The following LAMC1 variants were observed in gnomAD, a reference collection of about 807,000 sequenced individuals.
The protein encoded by LAMC1 is laminin subunit gamma-1.
LAMC1 carries 38 observed loss-of-function variants against 173.6 expected under a neutral mutation model. The ratio of observed to expected loss-of-function variants is 0.22; its 90% CI spans 0.17 to 0.29. LAMC1 has a LOEUF of 0.29. Ranked by LOEUF, LAMC1 falls within the 10% of genes least tolerant of loss-of-function variation. The pLI, the probability that LAMC1 is intolerant of heterozygous loss-of-function variation, is 1.00. For synonymous variants in LAMC1, 746 were observed against 749.1 expected (o/e 1.00, Z 0.07); for missense variants, 1,824 against 2,051.8 (o/e 0.89, Z 2.14).
chr1:183,077,388 G>C lies in LAMC1; in HGVS notation c.419-25940G>C, dbSNP rs193219421. Among the ~76,000 whole-genome samples the C allele has an allele frequency of 6.6e-4, 100 of 152,250 alleles. 1 individual carries two copies. The highest frequency in any genetic ancestry group is 2.1e-3 in the African/African-American group (88 of 41,550). ...TGTTGCTTGTTCTCAGTGCTGTTCTGATGACTAGCTCTTTTTCCAAACAAA... is the reference window on the plus strand; with the variant it reads ...TGTTGCTTGTTCTCAGTGCTGTTCTCATGACTAGCTCTTTTTCCAAACAAA... On this transcript the variant is annotated intron_variant, in intron 1 of 27. Coordinates refer to ENST00000258341, the MANE Select transcript of LAMC1 (RefSeq NM_002293.4).
intron 1 of LAMC1, among the ~76,000 whole-genome samples, chr1:183,046,886 A>C (rs1288648052): frequency 1.3e-5 from 2 of 152,100 alleles, no homozygotes; most frequent in African/African-American, 4.8e-5. Flanking sequence ...GATAGGTGAG[A>C]TATGTTTTAA....
chr1:183,130,926 G>A (rs879727559), intron 19 of LAMC1, among the ~76,000 whole-genome samples: 5 of 152,174 alleles, frequency 3.3e-5, no homozygotes, highest in South Asian at 2.1e-4. Flanking sequence ...TGTAATCCCA[G>A]CACTTTGGGA....
intron 1 of LAMC1, among the ~76,000 whole-genome samples, chr1:183,062,897 G>A (rs1282521038): frequency 6.6e-6 from 1 of 152,176 alleles, no homozygotes; most frequent in Non-Finnish European, 1.5e-5. Context: ...GAGTTGCAGT[G>A]AGTCAGCATC....
intron 1 of LAMC1, among the ~76,000 whole-genome samples, chr1:183,083,551 A>G (rs1056596558): frequency 3.3e-5 from 5 of 152,244 alleles, no homozygotes; most frequent in Non-Finnish European, 7.3e-5. Context: ...TTTGAATCAT[A>G]ACATGAAATT....
intron 1 of LAMC1, among the ~76,000 whole-genome samples, chr1:183,085,590 G>C (rs1490106768): frequency 1.3e-5 from 2 of 151,622 alleles, no homozygotes; most frequent in Non-Finnish European, 2.9e-5. Flanking sequence ...GGCTTGTCTT[G>C]AACACTTGGG....
chr1:183,105,186 C>G lies in LAMC1; in HGVS notation c.723+1554C>G, dbSNP rs540163937. 3.7e-5 allele frequency among the ~76,000 whole-genome samples: 5 copies of G among 134,784 alleles called. No homozygotes were observed. In the Admixed American group the frequency reaches 4.1e-4, roughly 11 times the overall value. The allele number at this position is 134,784 out of a possible 152,430, so 88.4% of individuals were successfully genotyped here. On this transcript the variant is annotated intron_variant, in intron 2 of 27. Coordinates refer to ENST00000258341, the MANE Select transcript of LAMC1 (RefSeq NM_002293.4). ...GTTGCAGTGAGCAAAGATCATGCCA[C>G]TGCACTCCAGCCTGGGCAACAGAGT...
intron 1 of LAMC1, among the ~76,000 whole-genome samples, chr1:183,083,397 C>T (rs908966860): frequency 2.6e-5 from 4 of 152,116 alleles, no homozygotes; most frequent in African/African-American, 4.8e-5. Context: ...AAGAATCACA[C>T]CGGAACGAGT....
intron 1 of LAMC1, among the ~76,000 whole-genome samples, chr1:183,101,568 G>A (rs1655834869): frequency 6.6e-6 from 1 of 151,682 alleles, no homozygotes; most frequent in Non-Finnish European, 1.5e-5. Context: ...ACCCTATTGT[G>A]GTAATGCCTT....
intron 1 of LAMC1, among the ~76,000 whole-genome samples, chr1:183,054,351 G>A (rs1654526160): frequency 6.6e-6 from 1 of 152,166 alleles, no homozygotes; most frequent in African/African-American, 2.4e-5. Context: ...GCACTCTAGG[G>A]TCTGGTTATA....
chr1:183,045,123 T>TTG (rs57795993), intron 1 of LAMC1, among the ~76,000 whole-genome samples: 17,156 of 68,608 alleles, frequency 0.25, 1,093 homozygotes, highest in South Asian at 0.4. Context: ...TCTCAGTAGG[T>TTG]TTTTTTTTTT....
At chr1:183,110,009 C>A (rs1243925717) in intron 3 of LAMC1, among the ~76,000 whole-genome samples, 3 of 152,268 alleles carry the variant, frequency 2.0e-5, no homozygotes, top group Non-Finnish European at 2.9e-5. Flanking sequence ...TGTGGTTTTG[C>A]AATCCTGAGC....
intron 18 of LAMC1, among the ~76,000 whole-genome samples, chr1:183,130,074 C>T (rs143593083): frequency 6.6e-6 from 1 of 152,236 alleles, no homozygotes; most frequent in African/African-American, 2.4e-5. Context: ...CTTTGCCAAC[C>T]ACTGCATAAG....
At chr1:183,045,630 C>T (rs1202122635) in intron 1 of LAMC1, among the ~76,000 whole-genome samples, 1 of 151,990 alleles carries the variant, frequency 6.6e-6, no homozygotes, top group Non-Finnish European at 1.5e-5. Flanking sequence ...TAGAACGCTT[C>T]TATGGGCATT....
At chr1:183,130,286 T>C in intron 18 of LAMC1, 58 bp from the exon 19 acceptor site, 1 of 1,428,052 alleles carries the variant, frequency 7.0e-7, no homozygotes, top group East Asian at 2.3e-5. Flanking sequence ...AGATTTCATG[T>C]GAGATGATAT....
At chr1:183,133,824 C>A (rs1196046581) in intron 22 of LAMC1, among the ~76,000 whole-genome samples, 1 of 151,964 alleles carries the variant, frequency 6.6e-6, no homozygotes, top group Admixed American at 6.6e-5. Flanking sequence ...CTTAAAAAAA[C>A]AAAAACAAAA....
intron 1 of LAMC1, among the ~76,000 whole-genome samples, chr1:183,052,484 C>T (rs1654457404): frequency 6.6e-6 from 1 of 152,124 alleles, no homozygotes; most frequent in African/African-American, 2.4e-5. Flanking sequence ...CAGGCATGCG[C>T]CACCACGCCC....
chr1:183,071,228 A>G (rs961209330), intron 1 of LAMC1, among the ~76,000 whole-genome samples: 22 of 151,952 alleles, frequency 1.4e-4, no homozygotes, highest in African/African-American at 5.1e-4. Context: ...GAAGACAATG[A>G]GTAACTTGGG....
intron 22 of LAMC1, 60 bp from the exon 23 acceptor site, chr1:183,134,600 A>G: frequency 7.2e-7 from 1 of 1,390,992 alleles, no homozygotes; most frequent in Non-Finnish European, 9.9e-7. Context: ...TCCTAAGCCT[A>G]CCTTTTCATT....
At chr1:183,126,657 C>G (rs1356890630) in intron 16 of LAMC1, among the ~76,000 whole-genome samples, 2 of 152,204 alleles carry the variant, frequency 1.3e-5, no homozygotes, top group African/African-American at 4.8e-5. Flanking sequence ...GTAGTTGCTT[C>G]CCACCCTTGG....
Sources: gnomAD v4.1 joint callset for allele counts (sites outside exome capture counted in the v4.1 genomes callset) on GRCh38, gnomAD v4.1.1 for gene constraint, MANE v1.5 for transcripts, NCBI Gene and HGNC (gene_info 2026-07-23, HGNC 2026-07-21) for gene names.